Variants in PHF7 observed in about 807,000 individuals in gnomAD.
PHF7 encodes E3 ubiquitin-protein ligase PHF7.
In PHF7, 24 loss-of-function variants were observed where a neutral mutation model predicts 47.5. The ratio of observed to expected loss-of-function variants is 0.51; its 90% CI spans 0.37 to 0.71. The LOEUF (loss-of-function observed/expected upper bound fraction) is 0.71. Among genes scored for constraint, PHF7 ranks in the 30% least tolerant of loss-of-function variants. The probability of loss-of-function intolerance (pLI) is 0.00; values close to 1 mark genes in which losing one functional copy is unlikely to be tolerated. For missense variants in PHF7, 361 were observed against 456.8 expected (o/e 0.79, Z 1.91); for synonymous variants, 156 against 153.8 (o/e 1.01, Z -0.11).
chr3:52,420,254 A>C, intron 5 of PHF7, 57 bp from the exon 6 acceptor site: 2 of 1,574,360 alleles, frequency 1.3e-6, no homozygotes, highest in Non-Finnish European at 1.7e-6. Context: ...GATGTGCTAC[A>C]CTGTGTGTGT....
chr3:52,421,493 G>A, intron 7 of PHF7, among the ~76,000 whole-genome samples, 155 bp from the exon 8 acceptor site: 1 of 152,138 alleles, frequency 6.6e-6, no homozygotes, highest in East Asian at 1.9e-4. Flanking sequence ...CTGACACCTG[G>A]ATTTGCAGCC....
Position 52,422,246 on chromosome 3 carries a change from A to G in PHF7, c.705A>G (p.Pro235=), listed in dbSNP as rs772708093. ...GAGATGCTGCCTGGGAACTCGAGCC[A>G]GGGGCTTTCTCAGACTTATATCAGC... The part of the protein sequence containing the change: ...PDRDAAWELE[P]GAFSDLYQRY... Residue 235 remains proline (P), a synonymous_variant, in exon 9 of 11, where the codon CCA becomes CCG. Transcript: ENST00000327906. 1.9e-6 allele frequency: 3 copies of G among 1,613,538 alleles called. No individual in the cohort carries two copies. Among genetic ancestry groups the G allele is most frequent in the East Asian group, 2.2e-5 (1 of 44,890 alleles).
At chr3:52,422,152 C>A in intron 8 of PHF7, 70 bp from the exon 9 acceptor site, 1 of 1,062,804 alleles carries the variant, frequency 9.4e-7, no homozygotes, top group Non-Finnish European at 1.5e-6. Flanking sequence ...CTCTTCCTAA[C>A]TCCTCCCTGA....
rs1441327480 is a variant in PHF7 at position 52,422,870 on chromosome 3, C to T, written c.908C>T (p.Ala303Val). ...TGGGAGTGTGAGGAGTGTTCACCTG[C>T]TGCAGCCACAGGTGAGGCTGGAGGG... ...KKWECEECSP[A>V]AATDYIPENS... The change falls in exon 10 of 11, where the codon GCT becomes GTT. Residue 303 changes from alanine to valine, a missense_variant. Coordinates refer to ENST00000327906, the MANE Select transcript of PHF7 (RefSeq NM_016483.7). 2 of 1,614,096 alleles carry T rather than the reference C, an allele frequency of 1.2e-6. No homozygotes were observed. The highest frequency in any genetic ancestry group is 1.7e-5 in the Admixed American group (1 of 60,028).
chr3:52,415,449 A>G (rs1479735534), intron 4 of PHF7, among the ~76,000 whole-genome samples: 2 of 152,168 alleles, frequency 1.3e-5, no homozygotes, highest in Non-Finnish European at 2.9e-5. Context: ...GTCCAGTTTG[A>G]TAAGTTTTGA....
Position 52,421,658 on chromosome 3 carries a change from A to G in PHF7, c.584A>G (p.His195Arg). 1 of 1,595,988 alleles carries G rather than the reference A, an allele frequency of 6.3e-7. No homozygotes were observed. Residue 195 changes from histidine (H) to arginine (R), a missense_variant, in exon 8 of 11, where the codon CAC (histidine) becomes CGC (arginine). By Grantham distance (29) the His-to-Arg change is conservative. Transcript: ENST00000327906. ...YHRKCIQKYA[H>R]TSAKHFFKCP... ...CTGTTTCTCTTACAGAAATATGCCC[A>G]CACATCAGCAAAGCATTTCTTCAAA...
At chr3:52,422,734 C>A (rs771552654) in intron 9 of PHF7, 26 bp from the exon 10 acceptor site, 1 of 1,613,624 alleles carries the variant, frequency 6.2e-7, no homozygotes, top group South Asian at 1.1e-5. Flanking sequence ...TATGTCTCCA[C>A]AACCCTTCCT....
In PHF7 at chr3:52,421,076, C is replaced by T. The variant is rs200948839; in HGVS notation, c.573+14C>T. The T allele has an allele frequency of 1.7e-5, 27 of 1,589,884 alleles. No homozygotes were observed. Among genetic ancestry groups the T allele is most frequent in the East Asian group, 2.3e-5 (1 of 43,896 alleles). ...AAGTGCATACAGGTGGGGCTTTTTC[C>T]GCCCTGGGTCCCTTCCACCATTGCC... On this transcript the variant is annotated intron_variant, in intron 7 of 10. Coordinates refer to ENST00000327906, the MANE Select transcript of PHF7 (RefSeq NM_016483.7).
Position 52,417,527 on chromosome 3 carries a change from A to T in PHF7, c.187-2306A>T, listed in dbSNP as rs534640048. On this transcript the variant is annotated intron_variant, in intron 4 of 10. Transcript: ENST00000327906. ...CATCTTTTGTTAAATGTATTCCTAA[A>T]TATTCTGTGGTTATGCTATTGTAAA... is the stretch of plus-strand genomic sequence containing the variant. 2.2e-4 allele frequency among the ~76,000 whole-genome samples: 33 copies of T among 152,266 alleles called. No individual in the cohort carries two copies. The South Asian group carries it at 6.8e-3, about 32-fold the overall frequency.
At chr3:52,412,989 TG>T (rs1162822969) in intron 2 of PHF7, 69 bp downstream of exon 2, 8 of 1,234,526 alleles carry the variant, frequency 6.5e-6, no homozygotes, top group Non-Finnish European at 9.5e-6. Flanking sequence ...CTGCACTTTT[TG>T]CCCCCTTTGT....
At chr3:52,416,082 G>C (rs989869547) in intron 4 of PHF7, among the ~76,000 whole-genome samples, 3 of 152,028 alleles carry the variant, frequency 2.0e-5, no homozygotes, top group African/African-American at 7.2e-5. Flanking sequence ...CCATTCTACT[G>C]GGTGTGTATT....
intron 4 of PHF7, among the ~76,000 whole-genome samples, chr3:52,416,440 T>G (rs1278449836): frequency 6.6e-6 from 1 of 150,630 alleles, no homozygotes; most frequent in Non-Finnish European, 1.5e-5. Flanking sequence ...CACCTCGGCC[T>G]CCCAAAGTGC....
intron 3 of PHF7, 141 bp downstream of exon 3, chr3:52,414,189 A>G: frequency 1.6e-6 from 1 of 635,140 alleles, no homozygotes; most frequent in Non-Finnish European, 2.8e-6. Flanking sequence ...TTGAGGACTC[A>G]GGAACTGCCA....
chr3:52,419,836 T>TTATC lies in PHF7; in HGVS notation c.193_196dup (p.Ser66IlefsTer2). 1 of 1,580,968 alleles carries TTATC rather than the reference T, an allele frequency of 6.3e-7. No homozygotes were observed. Among genetic ancestry groups the TTATC allele is most frequent in the Non-Finnish European group, 8.7e-7 (1 of 1,154,084 alleles). Reference sequence around the variant, plus strand: ...CCTGGTTCTACTGCCCCCGCAGATCTTATCTAGTAAGCTGCCTCAGAGGGG... The same window carrying TTATC: ...CCTGGTTCTACTGCCCCCGCAGATCTTATCTATCTAGTAAGCTGCCTCAGAGGGG... On this transcript the variant is annotated frameshift_variant, in exon 5 of 11. Coordinates refer to ENST00000327906, the MANE Select transcript of PHF7 (RefSeq NM_016483.7). LOFTEE classifies it high-confidence loss of function.
chr3:52,421,932 G>A (rs965828148), intron 8 of PHF7, 178 bp downstream of exon 8: 11 of 586,396 alleles, frequency 1.9e-5, no homozygotes, highest in Admixed American at 3.0e-5. Flanking sequence ...AGAAGTTTGC[G>A]GGGGAATGGG....
chr3:52,421,346 C>G (rs1260686304), intron 7 of PHF7, among the ~76,000 whole-genome samples: 2 of 152,220 alleles, frequency 1.3e-5, no homozygotes, highest in Non-Finnish European at 2.9e-5. Flanking sequence ...CTATGTCAGC[C>G]TCACTTCCTG....
At chr3:52,413,274 T>A (rs1705516011) in intron 2 of PHF7, among the ~76,000 whole-genome samples, 1 of 152,230 alleles carries the variant, frequency 6.6e-6, no homozygotes, top group Admixed American at 6.5e-5. Flanking sequence ...GTAGATTAAT[T>A]GAGCCAATAC....
rs1705779167 is a variant in PHF7, at chr3:52,421,195, T to A, written c.573+133T>A. The A allele has an allele frequency of 5.4e-6, 4 of 747,288 alleles. No individual in the cohort carries two copies. In the African/African-American group the frequency reaches 7.2e-5, roughly 13 times the overall value. The allele number at this position is 747,288 out of a possible 1,614,324, so 46.3% of individuals were successfully genotyped here. A position where few individuals can be genotyped will look rare whatever the true frequency, so the allele number is the denominator to read the frequency against. On this transcript the variant is annotated intron_variant, in intron 7 of 10. Coordinates refer to ENST00000327906, the MANE Select transcript of PHF7 (RefSeq NM_016483.7). ...CTGGAGGCCTGTATTGAGGGCTGGT[T>A]TCAGGCAGTTAGAGGAAAGTCAGTC...
At chr3:52,420,121 T>C in intron 5 of PHF7, 187 bp downstream of exon 5, 1 of 792,118 alleles carries the variant, frequency 1.3e-6, no homozygotes. Flanking sequence ...GGGAGAAACA[T>C]CTTGAGAAAA....
Sources: gnomAD v4.1 joint callset for allele counts (sites outside exome capture counted in the v4.1 genomes callset) on GRCh38, gnomAD v4.1.1 for gene constraint, MANE v1.5 for transcripts, NCBI Gene and HGNC (gene_info 2026-07-23, HGNC 2026-07-21) for gene names.